PTCH1: variants seen among roughly 807,000 people sequenced by gnomAD.
PTCH1 encodes patched 1, also known as protein patched homolog 1.
PTCH1 carries 14 observed loss-of-function variants against 144.6 expected under a neutral mutation model. The ratio of observed to expected loss-of-function variants is 0.10; its 90% CI spans 0.06 to 0.15. The LOEUF is 0.15. Ranked by LOEUF, PTCH1 falls within the 10% of genes least tolerant of loss-of-function variation. The pLI, the probability that PTCH1 is intolerant of heterozygous loss-of-function variation, is 1.00. For synonymous variants in PTCH1, 833 were observed against 793.6 expected, an observed-to-expected ratio of 1.05 and a Z score of -0.83; for missense variants, 1,623 against 1,948.3, an observed-to-expected ratio of 0.83 and a Z score of 3.14.
Position 95,506,394 on chromosome 9 carries a change from C to G in PTCH1, c.394+13G>C, listed in dbSNP as rs1444907229. 7 of 1,607,856 alleles carry G rather than the reference C, an allele frequency of 4.4e-6. No individual in the cohort carries two copies. The South Asian group carries it at 7.7e-5, about 18-fold the overall frequency. ...CGGGCCGGGGGCGCGGGCGCCGCGG[C>G]GGGCGCTCTTACCTTCCACCCACAG... On this transcript the variant is annotated intron_variant, in intron 2 of 23. Coordinates refer to ENST00000331920, the MANE Select transcript of PTCH1 (RefSeq NM_000264.5).
Position 95,446,156 on chromosome 9 carries a change from C to A in PTCH1, c.*237G>T. The A allele has an allele frequency of 3.1e-6, 1 of 324,812 alleles. No individual in the cohort carries two copies. Among genetic ancestry groups the A allele is most frequent in the Admixed American group, 3.8e-5 (1 of 26,522 alleles). 20.1% of individuals were successfully genotyped at this position (324,812 alleles called of 1,614,324 possible). On this transcript the variant is annotated 3_prime_UTR_variant, in exon 24 of 24. Coordinates refer to ENST00000331920, the MANE Select transcript of PTCH1 (RefSeq NM_000264.5). The stretch of plus-strand genomic sequence containing the variant: ...ACACTCTGGGGCAGGAGTGGAGAAG[C>A]CCCAGATCATACCACTTTACATCCT...
intron 20 of PTCH1, chr9:95,450,486 G>A (rs77729066): frequency 6.3e-6 from 1 of 159,482 alleles, no homozygotes; most frequent in Non-Finnish European, 1.4e-5. Flanking sequence ...AGCATATCAG[G>A]TAAGGCTTTC....
intron 7 of PTCH1, 116 bp downstream of exon 7, chr9:95,479,853 C>T (rs939429140): frequency 9.8e-6 from 15 of 1,531,648 alleles, no homozygotes; most frequent in East Asian, 4.5e-5. Context: ...ACCTGGCTAG[C>T]GAGGATAACG....
rs1588544193 is a variant in PTCH1, at chr9:95,459,596, T to G, written c.2887+4A>C. 1 of 1,613,470 alleles carries G rather than the reference T, an allele frequency of 6.2e-7. No individual in the cohort carries two copies. ...CCCAGACCTCCCGATAAAACGCTAC[T>G]TACTTCTCAGCCTTGTTTCAGGCAT... is the stretch of plus-strand genomic sequence containing the variant. On this transcript the variant is annotated splice_donor_region_variant and intron_variant, in intron 17 of 23. Coordinates refer to ENST00000331920, the MANE Select transcript of PTCH1 (RefSeq NM_000264.5).
chr9:95,480,318 G>A, intron 6 of PTCH1, 72 bp downstream of exon 6: 1 of 1,568,508 alleles, frequency 6.4e-7, no homozygotes, highest in Non-Finnish European at 8.7e-7. Context: ...AAATAATAAA[G>A]TGAACGATGA....
chr9:95,476,996 T>C lies in PTCH1; in HGVS notation c.1504-139A>G. On this transcript the variant is annotated intron_variant, in intron 10 of 23. Coordinates refer to ENST00000331920, the MANE Select transcript of PTCH1 (RefSeq NM_000264.5). This position sits in a 1 kb window ranked among gnomAD's most constrained non-coding sequence, Gnocchi z 4.6. ...CGTAACCTCATGGTGAAGAATTCACTTGACGTCCCAAAGCCTAGCCATTTC... is the reference window on the plus strand; with the variant it reads ...CGTAACCTCATGGTGAAGAATTCACCTGACGTCCCAAAGCCTAGCCATTTC... 1 of 813,926 alleles carries C rather than the reference T, an allele frequency of 1.2e-6. No homozygotes were observed. Among genetic ancestry groups the C allele is most frequent in the Non-Finnish European group, 2.1e-6 (1 of 477,716 alleles). 50.4% of individuals were successfully genotyped at this position (813,926 alleles called of 1,614,324 possible).
chr9:95,443,111 A>C lies in PTCH1; in HGVS notation c.*3282T>G, dbSNP rs1016939679. The C allele has an allele frequency of 2.6e-5, 4 of 152,222 alleles. No individual in the cohort carries two copies. The highest frequency in any genetic ancestry group is 2.6e-4 in the Admixed American group (4 of 15,284). The allele number at this position is 152,222 out of a possible 1,614,324, so 9.4% of individuals were successfully genotyped here. ...TTAGGAAGTTTCTTGGTATGAGAAA[A>C]CAAAAATAGGGTCAGGTGATAAGAA... On this transcript the variant is annotated 3_prime_UTR_variant, in exon 24 of 24. Coordinates refer to ENST00000331920, the MANE Select transcript of PTCH1 (RefSeq NM_000264.5).
chr9:95,512,487 G>A (rs1587707276), upstream of PTCH1, among the ~76,000 whole-genome samples: 1 of 151,790 alleles, frequency 6.6e-6, no homozygotes, highest in African/African-American at 2.4e-5. Flanking sequence ...AAAGGGAAGA[G>A]GAGCCAGTGT....
Position 95,506,388 on chromosome 9 carries a change from C to A in PTCH1, c.394+19G>T. On this transcript the variant is annotated intron_variant, in intron 2 of 23. Transcript: ENST00000331920. ...AGGGACCGGGCCGGGGGCGCGGGCG[C>A]CGCGGCGGGCGCTCTTACCTTCCAC... is the stretch of plus-strand genomic sequence containing the variant. 1 of 1,606,610 alleles carries A rather than the reference C, an allele frequency of 6.2e-7. No homozygotes were observed. Among genetic ancestry groups the A allele is most frequent in the African/African-American group, 1.3e-5 (1 of 74,586 alleles).
intron 2 of PTCH1, among the ~76,000 whole-genome samples, chr9:95,490,783 T>C (rs1588633340): frequency 1.3e-5 from 2 of 152,266 alleles, no homozygotes; most frequent in South Asian, 4.1e-4. Flanking sequence ...GTAGAAAGAA[T>C]ACATTCTAGT....
chr9:95,507,025 C>T (rs1053850102), intron 1 of PTCH1: 1 of 989,896 alleles, frequency 1.0e-6, no homozygotes, highest in Admixed American at 6.1e-5. Context: ...CTGTCCATCA[C>T]CCTCGGGGAC....
chr9:95,483,441 G>A (rs1841726731), intron 3 of PTCH1: 1 of 149,508 alleles, frequency 6.7e-6, no homozygotes, highest in African/African-American at 2.5e-5. Context: ...AAGAAACACA[G>A]TAAAAACTTC....
Position 95,467,224 on chromosome 9 carries a change from AG to A in PTCH1, c.2451del (p.Leu818TyrfsTer12). 6.2e-7 allele frequency: 1 copy of A among 1,613,342 alleles called. No homozygotes were observed. The highest frequency in any genetic ancestry group is 8.5e-7 in the Non-Finnish European group (1 of 1,179,796). ...AAACTCCTGTGTAGGTCGTAAAGTA[AG>A]TGCTGGATATTCGGGTAGTCTGCTT... ...TQKADYPNIQ[H>X]LLYDLHRSFS... On this transcript the variant is annotated frameshift_variant, in exon 15 of 24. Transcript: ENST00000331920.
At chr9:95,491,569 G>T (rs1190378846) in intron 2 of PTCH1, among the ~76,000 whole-genome samples, 2 of 152,166 alleles carry the variant, frequency 1.3e-5, no homozygotes, top group Admixed American at 6.6e-5. Context: ...GCAGAGTTTG[G>T]GTGGCTTGCC....
chr9:95,507,567 C>CG (rs977836755), intron 1 of PTCH1: 8 of 459,058 alleles, frequency 1.7e-5, no homozygotes, highest in South Asian at 9.2e-5. Context: ...ACCTGGAAAA[C>CG]GGGGGGGATA....
At chr9:95,465,209 C>A (rs1365857660) in intron 15 of PTCH1, among the ~76,000 whole-genome samples, 1 of 152,222 alleles carries the variant, frequency 6.6e-6, no homozygotes, top group Non-Finnish European at 1.5e-5. Flanking sequence ...CCTTTACCCC[C>A]TTCCCAATCC....
chr9:95,496,105 T>G (rs1224431687), intron 2 of PTCH1, among the ~76,000 whole-genome samples: 1 of 152,172 alleles, frequency 6.6e-6, no homozygotes, highest in Non-Finnish European at 1.5e-5. Context: ...TGGAACACAA[T>G]ACTTTCGCAC....
chr9:95,505,687 C>A (rs930876646), intron 2 of PTCH1, among the ~76,000 whole-genome samples: 8 of 150,042 alleles, frequency 5.3e-5, no homozygotes, highest in African/African-American at 2.0e-4. Context: ...ATGTAAAAAG[C>A]CCCCACCCGC....
intron 16 of PTCH1, among the ~76,000 whole-genome samples, chr9:95,461,236 A>C (rs974705988): frequency 6.6e-6 from 1 of 152,142 alleles, no homozygotes; most frequent in East Asian, 1.9e-4. Flanking sequence ...TATGATTCCC[A>C]AACAGAAACG....
Sources: allele counts gnomAD v4.1 joint callset (sites outside exome capture counted in the v4.1 genomes callset), GRCh38; gene constraint gnomAD v4.1.1; non-coding constraint Gnocchi (gnomAD v3.1); transcripts MANE v1.5; gene names NCBI Gene and HGNC (gene_info 2026-07-23, HGNC 2026-07-21).